Variants in ARL2 observed in about 807,000 individuals in gnomAD.
ARL2 encodes the protein ADP-ribosylation factor-like protein 2.
A neutral mutation model predicts 22.0 loss-of-function variants in ARL2; 11 were observed. That is an observed-to-expected ratio of 0.50 (90% CI 0.31 to 0.83). The LOEUF is 0.83. ARL2 is among the 40% of genes least tolerant of loss of function. The pLI is 0.04. For missense variants in ARL2, 216 were observed against 243.2 expected (o/e 0.89, Z 0.74); for synonymous variants, 111 against 100.8 (o/e 1.10, Z -0.61).
chr11:65,015,601 AGAT>A (rs1238848663), intron 1 of ARL2, among the ~76,000 whole-genome samples: 1 of 152,102 alleles, frequency 6.6e-6, no homozygotes, highest in Non-Finnish European at 1.5e-5. Flanking sequence ...GCGGGTAGAA[AGAT>A]GATAACACAG....
rs1456074054 is a variant in ARL2, at chr11:65,018,003, C to T, written c.66-361C>T. On this transcript the variant is annotated intron_variant, in intron 1 of 4. Transcript: ENST00000246747. The surrounding 1 kb of genome is among the most constrained non-coding windows in gnomAD (Gnocchi z 4.2). ...TCCTCCGATGGCCCTCTTGGAAAGC[C>T]TCTCTGTTGTGTTGATGGCGCTAGC... Among the ~76,000 whole-genome samples, 1 of 152,210 alleles carries T rather than the reference C, an allele frequency of 6.6e-6. No homozygotes were observed. Among genetic ancestry groups the T allele is most frequent in the African/African-American group, 2.4e-5 (1 of 41,464 alleles).
chr11:65,019,229 G>T, intron 3 of ARL2: 1 of 212,634 alleles, frequency 4.7e-6, no homozygotes, highest in Non-Finnish European at 9.5e-6. Flanking sequence ...GACAGAGCAA[G>T]ACCCTGTCTC....
At chr11:65,021,694 C>A (rs369682018) in intron 4 of ARL2, 27 bp from the exon 5 acceptor site, 1 of 1,579,792 alleles carries the variant, frequency 6.3e-7, no homozygotes, top group Non-Finnish European at 8.6e-7. Flanking sequence ...TCACTGGCCA[C>A]CACCATCAGC....
rs1196970920 is a variant in ARL2 at position 65,020,644 on chromosome 11, G to A, written c.420+145G>A. 4 of 757,002 alleles carry A rather than the reference G, an allele frequency of 5.3e-6. No individual in the cohort carries two copies. The African/African-American group carries it at 5.3e-5, about 10-fold the overall frequency. 46.9% of individuals were successfully genotyped at this position (757,002 alleles called of 1,614,324 possible). A position where few individuals can be genotyped will look rare whatever the true frequency, so the allele number is the denominator to read the frequency against. Reference sequence around the variant, plus strand: ...AGCACTTTGGGAGGCCAAGGCGAGTGGATCACCTGAGGTCAGGAGTTCGAG... The same window carrying A: ...AGCACTTTGGGAGGCCAAGGCGAGTAGATCACCTGAGGTCAGGAGTTCGAG... On this transcript the variant is annotated intron_variant, in intron 4 of 4. Coordinates refer to ENST00000246747, the MANE Select transcript of ARL2 (RefSeq NM_001667.4).
In ARL2 at chr11:65,021,861, T is replaced by C; in HGVS notation, c.*6T>C. The C allele has an allele frequency of 6.2e-7, 1 of 1,610,420 alleles. No homozygotes were observed. Among genetic ancestry groups the C allele is most frequent in the Non-Finnish European group, 8.5e-7 (1 of 1,178,804 alleles). Reference sequence around the variant, plus strand: ...GCATTTTCACAGCTGACTGAACCACTCCAGATGCCCCCCACCTAGCAGTCC... The same window carrying C: ...GCATTTTCACAGCTGACTGAACCACCCCAGATGCCCCCCACCTAGCAGTCC... On this transcript the variant is annotated 3_prime_UTR_variant, in exon 5 of 5. Coordinates refer to ENST00000246747, the MANE Select transcript of ARL2 (RefSeq NM_001667.4).
At chr11:65,016,173 G>C (rs11824646) in intron 1 of ARL2, among the ~76,000 whole-genome samples, 21,416 of 144,034 alleles carry the variant, frequency 0.15, 3,245 homozygotes, top group African/African-American at 0.4. Flanking sequence ...CGCCATTGCA[G>C]TCCAGCCTGG....
At position 65,014,251 on chromosome 11, in the gene ARL2, G is replaced by C. The variant is rs184873330; in HGVS notation, c.44G>C (p.Arg15Pro). ...TILKKMKQKE[R>P]ELRLLMLGLD... ...CTGAAGAAGATGAAGCAGAAAGAGC[G>C]GGAGCTGCGACTGCTCATGCTGTAT... The change falls in exon 1 of 5, where the codon CGG becomes CCG. Residue 15 changes from arginine (R) to proline (P), a missense_variant. Arg to Pro is a moderately radical substitution (Grantham distance 103). Transcript: ENST00000246747. The C allele has an allele frequency of 6.4e-7, 1 of 1,574,614 alleles. No individual in the cohort carries two copies. Among genetic ancestry groups the C allele is most frequent in the Non-Finnish European group, 8.6e-7 (1 of 1,164,246 alleles).
chr11:65,018,693 A>G lies in ARL2; in HGVS notation c.299A>G (p.Gln100Arg). The G allele has an allele frequency of 1.2e-6, 2 of 1,614,220 alleles. No homozygotes were observed. Among genetic ancestry groups the G allele is most frequent in the Non-Finnish European group, 1.7e-6 (2 of 1,180,044 alleles). The change falls in exon 3 of 5, where the codon CAG (glutamine) becomes CGG (arginine). Residue 100 changes from glutamine to arginine, a missense_variant. Transcript: ENST00000246747. This position sits in a 1 kb window ranked among gnomAD's most constrained non-coding sequence, Gnocchi z 4.2. ...VVDSADRQRM[Q>R]DCQRELQSLL... ...GACAGCGCAGACCGCCAGCGCATGC[A>G]GGACTGCCAGCGGGAGCTCCAGAGC...
chr11:65,015,663 G>A (rs1438117624), intron 1 of ARL2, among the ~76,000 whole-genome samples: 1 of 152,138 alleles, frequency 6.6e-6, no homozygotes, highest in Admixed American at 6.6e-5. Flanking sequence ...GCACACACCT[G>A]TAACCCTAGC....
intron 4 of ARL2, chr11:65,021,386 G>C (rs754537881): frequency 4.0e-6 from 1 of 253,074 alleles, no homozygotes; most frequent in South Asian, 1.5e-4. Flanking sequence ...TGAAATGGTC[G>C]ACACAATCCC....
intron 3 of ARL2, 128 bp from the exon 4 acceptor site, chr11:65,020,291 C>T (rs1946311799): frequency 2.5e-6 from 2 of 791,348 alleles, no homozygotes; most frequent in Non-Finnish European, 4.3e-6. Flanking sequence ...CTGGGCCTCT[C>T]CCACCACCAC....
chr11:65,017,497 A>G (rs1417213154), intron 1 of ARL2, among the ~76,000 whole-genome samples: 2 of 151,814 alleles, frequency 1.3e-5, no homozygotes, highest in Non-Finnish European at 2.9e-5. Flanking sequence ...CGCCCGGCCT[A>G]TTTGCTCTTT....
At chr11:65,016,273 G>GT (rs924340878) in intron 1 of ARL2, among the ~76,000 whole-genome samples, 2 of 145,196 alleles carry the variant, frequency 1.4e-5, no homozygotes, top group African/African-American at 2.5e-5. Context: ...CAATTCGGGG[G>GT]GGGGGGAAAC....
In ARL2 at chr11:65,021,921, G is replaced by T; in HGVS notation, c.*66G>T. ...AACCTTCACCAAACACTACCCATGG[G>T]GGGTTGGGAGTCAGCCGGCCAAACT... On this transcript the variant is annotated 3_prime_UTR_variant, in exon 5 of 5. Transcript: ENST00000246747. 2 of 1,564,154 alleles carry T rather than the reference G, an allele frequency of 1.3e-6. No individual in the cohort carries two copies. The highest frequency in any genetic ancestry group is 8.7e-7 in the Non-Finnish European group (1 of 1,153,556).
rs1946280249 is a variant in ARL2, at chr11:65,018,089, A to T, written c.66-275A>T. On this transcript the variant is annotated intron_variant, in intron 1 of 4. Transcript: ENST00000246747. This position sits in a 1 kb window ranked among gnomAD's most constrained non-coding sequence, Gnocchi z 4.2. ...GTACTTTATTGACTGTCTTCCCGCT[A>T]GAGTGTAAGCTTCCTAAGGGCAGGG... is the stretch of plus-strand genomic sequence containing the variant. Among the ~76,000 whole-genome samples the T allele has an allele frequency of 2.0e-5, 3 of 152,218 alleles. No homozygotes were observed. Among genetic ancestry groups the T allele is most frequent in the Non-Finnish European group, 4.4e-5 (3 of 68,024 alleles).
intron 1 of ARL2, among the ~76,000 whole-genome samples, chr11:65,015,279 A>AT (rs1946236741): frequency 1.3e-5 from 2 of 152,048 alleles, no homozygotes; most frequent in South Asian, 4.1e-4. Flanking sequence ...ACGCCCGGCT[A>AT]TTTTTTTAAA....
Position 65,018,282 on chromosome 11 carries a change from TA to T in ARL2, c.66-80del, listed in dbSNP as rs1946282338. The T allele has an allele frequency of 5.3e-6, 6 of 1,138,112 alleles. No individual in the cohort carries two copies. The Admixed American group carries it at 1.4e-4, about 27-fold the overall frequency. 70.5% of individuals were successfully genotyped at this position (1,138,112 alleles called of 1,614,324 possible). ...ACTCAGTTTGATACATGGTGGGAAATAATGAGTCCCCTAAGGGGCTCTGCAA... is the reference window on the plus strand; with the variant it reads ...ACTCAGTTTGATACATGGTGGGAAATATGAGTCCCCTAAGGGGCTCTGCAA... On this transcript the variant is annotated intron_variant, in intron 1 of 4. Transcript: ENST00000246747. The surrounding 1 kb of genome is among the most constrained non-coding windows in gnomAD (Gnocchi z 4.2).
At chr11:65,017,286 G>T (rs1590729822) in intron 1 of ARL2, among the ~76,000 whole-genome samples, 1 of 148,362 alleles carries the variant, frequency 6.7e-6, no homozygotes, top group African/African-American at 2.5e-5. Flanking sequence ...ACCTCTGCCT[G>T]CCGGGTTCAA....
rs778508915 is a variant in ARL2, at chr11:65,014,188, G to A, written c.-20G>A. 3.9e-6 allele frequency: 6 copies of A among 1,550,884 alleles called. No individual in the cohort carries two copies. The East Asian group carries it at 1.0e-4, about 27-fold the overall frequency. ...CCGGGACTGGGAAGAAACGGCGGCC[G>A]GGAGGGGGCTCCGGGGACCATGGGG... On this transcript the variant is annotated 5_prime_UTR_variant, in exon 1 of 5. Coordinates refer to ENST00000246747, the MANE Select transcript of ARL2 (RefSeq NM_001667.4).
Sources: allele counts gnomAD v4.1 joint callset (sites outside exome capture counted in the v4.1 genomes callset), GRCh38; gene constraint gnomAD v4.1.1; non-coding constraint Gnocchi (gnomAD v3.1); transcripts MANE v1.5; gene names NCBI Gene and HGNC (gene_info 2026-07-23, HGNC 2026-07-21).